The following EXOC4 variants were observed in gnomAD, a reference collection of about 807,000 sequenced individuals.
The protein encoded by EXOC4 is SEC8-like 1.
In EXOC4, 71 loss-of-function variants were observed where a neutral mutation model predicts 107.2. The observed-to-expected ratio is 0.66, with a 90% CI of 0.55 to 0.81. EXOC4 has a LOEUF of 0.81. Among genes scored for constraint, EXOC4 ranks in the 30% least tolerant of loss-of-function variants. The probability of loss-of-function intolerance (pLI) is 0.00; values close to 1 mark genes in which losing one functional copy is unlikely to be tolerated. For missense variants in EXOC4, 1,108 were observed against 1,189.6 expected (o/e 0.93, Z 1.01); for synonymous variants, 456 against 441.2 (o/e 1.03, Z -0.42).
intron 11 of EXOC4, among the ~76,000 whole-genome samples, chr7:133,870,872 T>C (rs1033368212): frequency 1.3e-5 from 2 of 152,222 alleles, no homozygotes; most frequent in African/African-American, 2.4e-5. Context: ...CTTTCTGCAT[T>C]TATTTCCTAG....
At chr7:133,850,844 T>G (rs1051799217) in intron 11 of EXOC4, among the ~76,000 whole-genome samples, 14 of 152,178 alleles carry the variant, frequency 9.2e-5, no homozygotes, top group Admixed American at 9.2e-4. Flanking sequence ...ACTCATTCCT[T>G]CTAGTTTTGC....
chr7:133,526,472 G>C (rs139012540), intron 9 of EXOC4, among the ~76,000 whole-genome samples: 18 of 152,200 alleles, frequency 1.2e-4, no homozygotes, highest in African/African-American at 4.1e-4. Flanking sequence ...AACAAACAAA[G>C]ATTTTATAAA....
intron 9 of EXOC4, among the ~76,000 whole-genome samples, chr7:133,558,075 T>C (rs1800728998): frequency 6.6e-6 from 1 of 152,220 alleles, no homozygotes; most frequent in South Asian, 2.1e-4. Flanking sequence ...ACCTGTGTCA[T>C]ATGTGTCTTA....
intron 9 of EXOC4, among the ~76,000 whole-genome samples, chr7:133,552,622 T>TTCTGC (rs1188527115): frequency 2.0e-5 from 3 of 152,082 alleles, no homozygotes; most frequent in Middle Eastern, 3.2e-3. Context: ...TGAAACTCAG[T>TTCTGC]AGTGACTTAG....
Position 133,827,211 on chromosome 7 carries a change from G to A in EXOC4, c.1734+9667G>A, listed in dbSNP as rs73155112. Among the ~76,000 whole-genome samples, 733 of 152,188 alleles carry A rather than the reference G, an allele frequency of 4.8e-3. 5 individuals carry two copies. The highest frequency in any genetic ancestry group is 7.9e-3 in the Non-Finnish European group (535 of 68,018). ...CCTTTATTGATATAATATTACAAAG[G>A]AACTTGTCCTCGTAACTGTTGATGA... On this transcript the variant is annotated intron_variant, in intron 11 of 17. Transcript: ENST00000253861.
intron 7 of EXOC4, among the ~76,000 whole-genome samples, chr7:133,380,589 A>G (rs184272664): frequency 1.3e-5 from 2 of 152,298 alleles, no homozygotes; most frequent in Non-Finnish European, 2.9e-5. Flanking sequence ...TATTTTTATC[A>G]TAGATCTATG....
At chr7:133,635,450 T>C (rs1802685086) in intron 10 of EXOC4, among the ~76,000 whole-genome samples, 1 of 152,222 alleles carries the variant, frequency 6.6e-6, no homozygotes, top group Admixed American at 6.5e-5. Flanking sequence ...AGTACAGTTC[T>C]TTCATGTAGC....
At chr7:134,010,971 AGG>A (rs1794749949) in intron 17 of EXOC4, among the ~76,000 whole-genome samples, 6 of 150,438 alleles carry the variant, frequency 4.0e-5, no homozygotes, top group African/African-American at 1.2e-4. Flanking sequence ...GGGTGAGCAA[AGG>A]AACCAGACAA....
intron 11 of EXOC4, among the ~76,000 whole-genome samples, chr7:133,881,411 A>T (rs1247132007): frequency 6.6e-6 from 1 of 151,936 alleles, no homozygotes; most frequent in Non-Finnish European, 1.5e-5. Context: ...TACAAATTGC[A>T]ATTATTTATC....
At chr7:133,576,942 G>A (rs1801145030) in intron 9 of EXOC4, 1 of 1,101,816 alleles carries the variant, frequency 9.1e-7, no homozygotes. Context: ...CTGCATGTGT[G>A]TATGTGGGTA....
intron 17 of EXOC4, among the ~76,000 whole-genome samples, chr7:134,047,615 C>T (rs529744142): frequency 5.5e-4 from 83 of 152,278 alleles, no homozygotes; most frequent in African/African-American, 1.9e-3. Flanking sequence ...CCCAGCAAAT[C>T]CCCATCACTT....
intron 11 of EXOC4, among the ~76,000 whole-genome samples, chr7:133,855,144 A>AATATAT (rs1235510935): frequency 3.1e-5 from 3 of 96,496 alleles, no homozygotes; most frequent in African/African-American, 1.2e-4. Flanking sequence ...TATATATATA[A>AATATAT]ATATATATAT....
At chr7:134,020,694 G>C (rs1795009323) in intron 17 of EXOC4, among the ~76,000 whole-genome samples, 1 of 152,146 alleles carries the variant, frequency 6.6e-6, no homozygotes, top group South Asian at 2.1e-4. Flanking sequence ...CTTGGCTGAA[G>C]TTTCCTCATC....
At chr7:133,857,110 AT>A (rs1554410152) in intron 11 of EXOC4, among the ~76,000 whole-genome samples, 1 of 100,872 alleles carries the variant, frequency 9.9e-6, no homozygotes, top group African/African-American at 4.2e-5. Flanking sequence ...ATATATATAT[AT>A]GTGTATATAT....
Position 133,630,132 on chromosome 7 carries a change from C to G in EXOC4, c.1505C>G (p.Pro502Arg). Residue 502 changes from proline (P) to arginine (R), a missense_variant, in exon 10 of 18, where the codon CCA becomes CGA. Pro to Arg is a moderately radical substitution (Grantham distance 103, BLOSUM62 -2). Transcript: ENST00000253861. ...GARNITVIFH[P>R]LLRFIQEIEH... ...AGAAACATTACCGTCATATTCCACC[C>G]ATTACTAAGGTAAGTCAAGTGCTAT... is the stretch of plus-strand genomic sequence containing the variant. 6.2e-7 allele frequency: 1 copy of G among 1,612,106 alleles called. No homozygotes were observed. Among genetic ancestry groups the G allele is most frequent in the Non-Finnish European group, 8.5e-7 (1 of 1,178,310 alleles).
chr7:133,398,750 T>C (rs1364503), intron 7 of EXOC4, among the ~76,000 whole-genome samples: 129,001 of 152,112 alleles, frequency 0.85, 54,973 homozygotes, highest in East Asian at 0.95. Flanking sequence ...GAAAGAGAAC[T>C]CGATTACTTT....
chr7:133,772,199 T>C (rs1456485662), intron 10 of EXOC4, among the ~76,000 whole-genome samples: 1 of 152,006 alleles, frequency 6.6e-6, no homozygotes, highest in Non-Finnish European at 1.5e-5. Flanking sequence ...CTACTTAGTA[T>C]GTACTCTGCA....
intron 12 of EXOC4, among the ~76,000 whole-genome samples, chr7:133,912,192 G>A (rs773880337): frequency 7.9e-5 from 12 of 152,212 alleles, no homozygotes; most frequent in Non-Finnish European, 1.5e-4. Flanking sequence ...TTATGGATAA[G>A]TGCAAAAGGA....
chr7:133,909,919 ATT>A (rs764890539), intron 12 of EXOC4, among the ~76,000 whole-genome samples: 3,290 of 75,586 alleles, frequency 0.044, 60 homozygotes, highest in African/African-American at 0.12. Flanking sequence ...GTTGAGACAG[ATT>A]TTTTTTTTTT....
Sources: allele counts gnomAD v4.1 joint callset (sites outside exome capture counted in the v4.1 genomes callset), GRCh38; gene constraint gnomAD v4.1.1; transcripts MANE v1.5; gene names NCBI Gene and HGNC (gene_info 2026-07-23, HGNC 2026-07-21).